The following NRXN1 variants were observed in gnomAD, a reference collection of about 807,000 sequenced individuals.
NRXN1 encodes neurexin-1.
In NRXN1, 39 loss-of-function variants were observed where a neutral mutation model predicts 150.9. The observed-to-expected ratio is 0.26, with a 90% CI of 0.20 to 0.34. NRXN1 has a LOEUF of 0.34. NRXN1 is among the 10% of genes least tolerant of loss of function. The pLI, the probability that NRXN1 is intolerant of heterozygous loss-of-function variation, is 1.00. For synonymous variants in NRXN1, 924 were observed against 757.0 expected (o/e 1.22, Z -3.62); for missense variants, 1,815 against 1,949.9 (o/e 0.93, Z 1.30).
At chr2:50,071,361 A>G (rs566541611) in intron 19 of NRXN1, among the ~76,000 whole-genome samples, 1 of 152,320 alleles carries the variant, frequency 6.6e-6, no homozygotes, top group East Asian at 1.9e-4. Context: ...CTTAACCCCT[A>G]AGACCTCAGA....
At chr2:50,937,746 A>G (rs1024434089) in intron 2 of NRXN1, among the ~76,000 whole-genome samples, 5 of 152,180 alleles carry the variant, frequency 3.3e-5, no homozygotes. Context: ...TTCAATTATT[A>G]TAAAGACATG....
At chr2:50,638,777 C>A (rs558868740) in intron 5 of NRXN1, among the ~76,000 whole-genome samples, 1 of 152,024 alleles carries the variant, frequency 6.6e-6, no homozygotes, top group Admixed American at 6.6e-5. Context: ...ATTTTATAGC[C>A]CATGCTTGAA....
Position 50,538,334 on chromosome 2 carries a change from T to C in NRXN1, c.2062A>G (p.Asn688Asp), listed in dbSNP as rs1250432500. 1.2e-6 allele frequency: 2 copies of C among 1,613,986 alleles called. No individual in the cohort carries two copies. The highest frequency in any genetic ancestry group is 3.3e-5 in the Admixed American group (2 of 60,024). Residue 688 changes from asparagine to aspartate, a missense_variant, in exon 10 of 23, where the codon AAT becomes GAT. Transcript: ENST00000401669. ...KPCLSNPCKN[N>D]GMCRDGWNRY... Reference sequence around the variant, plus strand: ...TTCCACCCATCCCTGCACATGCCATTGTTTTTGCAAGGGTTGCTAAGGCAC... The same window carrying C: ...TTCCACCCATCCCTGCACATGCCATCGTTTTTGCAAGGGTTGCTAAGGCAC...
intron 17 of NRXN1, among the ~76,000 whole-genome samples, chr2:50,266,378 A>G (rs191086251): frequency 6.7e-6 from 1 of 149,040 alleles, no homozygotes; most frequent in Admixed American, 6.7e-5. Context: ...CAACATAACT[A>G]AATATATATT....
intron 5 of NRXN1, among the ~76,000 whole-genome samples, chr2:50,724,082 T>C (rs1349667103): frequency 6.6e-6 from 1 of 152,210 alleles, no homozygotes; most frequent in Non-Finnish European, 1.5e-5. Context: ...ATTACTTTTG[T>C]AATACTAAAA....
At chr2:50,460,614 C>T (rs540908013) in intron 17 of NRXN1, among the ~76,000 whole-genome samples, 3 of 152,114 alleles carry the variant, frequency 2.0e-5, no homozygotes, top group South Asian at 2.1e-4. Context: ...GATAAGTTTA[C>T]GTAAAATAGT....
intron 5 of NRXN1, among the ~76,000 whole-genome samples, chr2:50,771,708 T>C (rs1703033835): frequency 6.6e-6 from 1 of 152,134 alleles, no homozygotes; most frequent in South Asian, 2.1e-4. Flanking sequence ...AGGAAGTATT[T>C]AAAAGGATGC....
chr2:50,151,141 A>G (rs2058671551), intron 18 of NRXN1, among the ~76,000 whole-genome samples: 1 of 151,722 alleles, frequency 6.6e-6, no homozygotes, highest in Non-Finnish European at 1.5e-5. Context: ...GAGGAAAACC[A>G]GATTGATTTC....
At chr2:50,125,286 A>C (rs1704405019) in intron 18 of NRXN1, among the ~76,000 whole-genome samples, 1 of 152,156 alleles carries the variant, frequency 6.6e-6, no homozygotes, top group East Asian at 1.9e-4. Flanking sequence ...TTGAATGTAA[A>C]AATTGGCACA....
At chr2:50,635,847 C>A (rs1263527647) in intron 5 of NRXN1, among the ~76,000 whole-genome samples, 3 of 152,150 alleles carry the variant, frequency 2.0e-5, no homozygotes, top group South Asian at 2.1e-4. Flanking sequence ...GGTTAACTGG[C>A]CAGTTTAGGG....
At chr2:50,156,304 T>C (rs2059018731) in intron 18 of NRXN1, among the ~76,000 whole-genome samples, 1 of 151,840 alleles carries the variant, frequency 6.6e-6, no homozygotes, top group South Asian at 2.1e-4. Context: ...CCCCATTAAA[T>C]AAGTAGGATA....
intron 18 of NRXN1, chr2:50,199,275 G>T (rs1478895966): frequency 6.6e-6 from 1 of 152,024 alleles, no homozygotes; most frequent in Non-Finnish European, 1.5e-5. Context: ...TATAATGACT[G>T]CAGGTCAAGG....
intron 19 of NRXN1, among the ~76,000 whole-genome samples, chr2:50,083,206 TG>T (rs1198847019): frequency 6.6e-6 from 1 of 152,164 alleles, no homozygotes; most frequent in Non-Finnish European, 1.5e-5. Flanking sequence ...GGAACAAAAA[TG>T]GCAACTTACA....
intron 3 of NRXN1, among the ~76,000 whole-genome samples, chr2:50,924,706 T>C (rs962895766): frequency 1.3e-5 from 2 of 151,674 alleles, no homozygotes; most frequent in African/African-American, 2.4e-5. Context: ...ACTTAGAAAA[T>C]AGTAATTTAT....
At chr2:50,280,971 G>A (rs2071355237) in intron 17 of NRXN1, among the ~76,000 whole-genome samples, 1 of 151,934 alleles carries the variant, frequency 6.6e-6, no homozygotes, top group South Asian at 2.1e-4. Context: ...ATGTTAAATG[G>A]AGGCCAAGGA....
At chr2:49,975,728 T>C (rs771235310) in intron 21 of NRXN1, among the ~76,000 whole-genome samples, 1 of 152,124 alleles carries the variant, frequency 6.6e-6, no homozygotes, top group Non-Finnish European at 1.5e-5. Flanking sequence ...AACAAAATAA[T>C]AATAAAACAT....
intron 5 of NRXN1, among the ~76,000 whole-genome samples, chr2:50,891,285 A>G (rs569813070): frequency 1.3e-5 from 2 of 152,156 alleles, no homozygotes; most frequent in African/African-American, 4.8e-5. Flanking sequence ...AGAAATAGAA[A>G]AGTGGCAAGT....
At chr2:50,656,761 A>T (rs944921535) in intron 5 of NRXN1, among the ~76,000 whole-genome samples, 3 of 151,782 alleles carry the variant, frequency 2.0e-5, no homozygotes, top group Non-Finnish European at 2.9e-5. Flanking sequence ...AAAAAAAAAG[A>T]CAAAACAAAC....
chr2:50,906,737 ACAT>A, intron 5 of NRXN1, among the ~76,000 whole-genome samples: 1 of 152,140 alleles, frequency 6.6e-6, no homozygotes, highest in South Asian at 2.1e-4. Context: ...TTACATACTT[ACAT>A]TATGCTTCTG....
Sources: allele counts gnomAD v4.1 joint callset (sites outside exome capture counted in the v4.1 genomes callset), GRCh38; gene constraint gnomAD v4.1.1; transcripts MANE v1.5; gene names NCBI Gene and HGNC (gene_info 2026-07-23, HGNC 2026-07-21).